Variants in ATXN2 observed in about 807,000 individuals in gnomAD.
ATXN2 encodes the protein ataxin-2.
In ATXN2, 37 loss-of-function variants were observed where a neutral mutation model predicts 138.6. The ratio of observed to expected loss-of-function variants is 0.27; its 90% CI spans 0.21 to 0.35. ATXN2 has a LOEUF of 0.35. ATXN2 is among the 10% of genes least tolerant of loss of function. ATXN2 has a pLI of 1.00. For synonymous variants in ATXN2, 549 were observed against 543.7 expected (o/e 1.01, Z -0.13); for missense variants, 1,216 against 1,480.3 (o/e 0.82, Z 2.93).
At chr12:111,490,633 G>A (rs192728112) in intron 14 of ATXN2, among the ~76,000 whole-genome samples, 4 of 152,046 alleles carry the variant, frequency 2.6e-5, no homozygotes, top group Non-Finnish European at 4.4e-5. Flanking sequence ...ACACAAGAAA[G>A]CACCTTCATA....
intron 14 of ATXN2, among the ~76,000 whole-genome samples, chr12:111,493,942 T>C (rs1250074183): frequency 2.0e-5 from 3 of 151,616 alleles, no homozygotes; most frequent in African/African-American, 7.3e-5. Flanking sequence ...TTGTTTTGTA[T>C]TGTTTTTTGA....
intron 14 of ATXN2, among the ~76,000 whole-genome samples, chr12:111,504,160 C>T (rs559411985): frequency 6.6e-6 from 1 of 152,286 alleles, no homozygotes; most frequent in South Asian, 2.1e-4. Context: ...TAACTCTAAT[C>T]AAGACAGTAT....
intron 1 of ATXN2, among the ~76,000 whole-genome samples, chr12:111,569,261 T>C (rs1240740992): frequency 1.3e-5 from 2 of 152,128 alleles, no homozygotes; most frequent in Non-Finnish European, 2.9e-5. Flanking sequence ...AAGATGAAAA[T>C]AGTACCTTCT....
chr12:111,582,987 T>G (rs559222356), intron 1 of ATXN2, among the ~76,000 whole-genome samples: 3 of 110,108 alleles, frequency 2.7e-5, no homozygotes, highest in African/African-American at 1.2e-4. Flanking sequence ...GTTTTTTTTT[T>G]TGTTTGTTTT....
intron 5 of ATXN2, among the ~76,000 whole-genome samples, chr12:111,548,564 T>C (rs868856000): frequency 6.6e-6 from 1 of 152,224 alleles, no homozygotes; most frequent in African/African-American, 2.4e-5. Context: ...TCATATCTTT[T>C]AGGAAAATAC....
chr12:111,510,710 T>C (rs1879457206), intron 11 of ATXN2, 128 bp from the exon 12 acceptor site: 2 of 813,368 alleles, frequency 2.5e-6, no homozygotes, highest in African/African-American at 1.7e-5. Flanking sequence ...CTTTATCCCA[T>C]TACTGTTTTC....
chr12:111,509,949 A>C lies in ATXN2; in HGVS notation c.1806T>G (p.Asn602Lys). The C allele has an allele frequency of 6.2e-7, 1 of 1,613,186 alleles. No individual in the cohort carries two copies. Among genetic ancestry groups the C allele is most frequent in the Non-Finnish European group, 8.5e-7 (1 of 1,179,612 alleles). Reference protein sequence around the residue: ...QDQRQNSPAGNKENIKPNETS... With the variant: ...QDQRQNSPAGKKENIKPNETS... ...TTTCATTGGGTTTAATATTTTCTTT[A>C]TTCCCTGCAGGAGAGTTCTGCCTCT... The change falls in exon 13 of 25, where the codon AAT (asparagine) becomes AAG (lysine). Residue 602 changes from asparagine to lysine, a missense_variant. By Grantham distance (94) the Asn-to-Lys change is moderately conservative. Around this residue, in one of 4 missense-constraint regions of ATXN2, gnomAD observed 215 missense variants for 210.0 expected, o/e 1.02. Coordinates refer to ENST00000673436, the MANE Select transcript of ATXN2 (RefSeq NM_001372574.1).
chr12:111,483,401 A>C (rs1877396806), intron 18 of ATXN2, among the ~76,000 whole-genome samples: 1 of 131,258 alleles, frequency 7.6e-6, no homozygotes, highest in African/African-American at 3.5e-5. Flanking sequence ...CTCTAAATTA[A>C]CTGGTTGGCA....
intron 18 of ATXN2, among the ~76,000 whole-genome samples, chr12:111,479,973 G>T (rs1359575239): frequency 7.5e-6 from 1 of 133,190 alleles, no homozygotes; most frequent in African/African-American, 2.8e-5. Flanking sequence ...ATAATGAGAC[G>T]TCTCCAAAAA....
At chr12:111,481,146 C>T (rs1412121058) in intron 18 of ATXN2, among the ~76,000 whole-genome samples, 2 of 151,998 alleles carry the variant, frequency 1.3e-5, no homozygotes. Context: ...TCCATCTCTA[C>T]TAAAAATACA....
intron 11 of ATXN2, 133 bp from the exon 12 acceptor site, chr12:111,510,715 GTT>G (rs1879457546): frequency 9.1e-6 from 7 of 768,576 alleles, no homozygotes; most frequent in Non-Finnish European, 1.4e-5. Context: ...TCCCATTACT[GTT>G]TTCTTTTCCA....
chr12:111,463,004 A>ATATGTATG (rs143183760), intron 21 of ATXN2, among the ~76,000 whole-genome samples: 2 of 151,394 alleles, frequency 1.3e-5, no homozygotes, highest in African/African-American at 4.9e-5. Flanking sequence ...ACACACACAT[A>ATATGTATG]TATGTATGTA....
At chr12:111,541,024 G>A (rs769116866) in intron 5 of ATXN2, among the ~76,000 whole-genome samples, 33 of 150,108 alleles carry the variant, frequency 2.2e-4, no homozygotes, top group South Asian at 2.1e-3. Context: ...ATAATCAAAG[G>A]TATCGATCTT....
intron 5 of ATXN2, among the ~76,000 whole-genome samples, chr12:111,545,323 G>A (rs981870585): frequency 6.6e-6 from 1 of 152,018 alleles, no homozygotes; most frequent in Non-Finnish European, 1.5e-5. Flanking sequence ...ATGGCCAGGC[G>A]TGGTGGCTCA....
At chr12:111,474,199 T>TGA (rs1555230713) in intron 18 of ATXN2, among the ~76,000 whole-genome samples, 2 of 152,028 alleles carry the variant, frequency 1.3e-5, no homozygotes, top group African/African-American at 2.4e-5. Flanking sequence ...CCAGCTTGGG[T>TGA]GACAGAGTTA....
At chr12:111,577,884 C>T (rs1226255072) in intron 1 of ATXN2, among the ~76,000 whole-genome samples, 2 of 151,892 alleles carry the variant, frequency 1.3e-5, no homozygotes, top group South Asian at 2.1e-4. Context: ...GAGTTCAACG[C>T]CCTGGGCAAT....
chr12:111,552,264 G>C lies in ATXN2; in HGVS notation c.571+16C>G, dbSNP rs1338578361. The C allele has an allele frequency of 1.9e-6, 3 of 1,574,066 alleles. No homozygotes were observed. Among genetic ancestry groups the C allele is most frequent in the Non-Finnish European group, 2.6e-6 (3 of 1,165,612 alleles). On this transcript the variant is annotated intron_variant, in intron 5 of 24. Coordinates refer to ENST00000673436, the MANE Select transcript of ATXN2 (RefSeq NM_001372574.1). This position sits in a 1 kb window ranked among gnomAD's most constrained non-coding sequence, Gnocchi z 4.1. ...TCTAATAAACCATGAGGCATATTTA[G>C]GAAATCAAAACCCACCTCTTTTTGC... is the stretch of plus-strand genomic sequence containing the variant.
At chr12:111,528,283 G>A (rs1350594913) in intron 5 of ATXN2, among the ~76,000 whole-genome samples, 1 of 152,170 alleles carries the variant, frequency 6.6e-6, no homozygotes, top group Non-Finnish European at 1.5e-5. Flanking sequence ...GTGTGTGTGT[G>A]TGAAAATATT....
At chr12:111,484,150 T>C (rs1179042363) in intron 18 of ATXN2, among the ~76,000 whole-genome samples, 1 of 152,176 alleles carries the variant, frequency 6.6e-6, no homozygotes, top group East Asian at 1.9e-4. Context: ...CAAAAGAAAT[T>C]CTGGCTTTGG....
Sources: allele counts gnomAD v4.1 joint callset (sites outside exome capture counted in the v4.1 genomes callset), GRCh38; gene constraint gnomAD v4.1.1; regional missense constraint gnomAD v4.1.1; non-coding constraint Gnocchi (gnomAD v3.1); transcripts MANE v1.5; gene names NCBI Gene and HGNC (gene_info 2026-07-23, HGNC 2026-07-21).